The following CS variants were observed in gnomAD, a reference collection of about 807,000 sequenced individuals.
The protein encoded by CS is citrate synthase, also known as citrate synthase, mitochondrial.
A neutral mutation model predicts 61.4 loss-of-function variants in CS; 13 were observed. That is an observed-to-expected ratio of 0.21 (90% confidence interval 0.14 to 0.34). The LOEUF is 0.34. Ranked by LOEUF, CS falls within the 10% of genes least tolerant of loss-of-function variation. The probability of loss-of-function intolerance (pLI) is 1.00; values close to 1 mark genes in which losing one functional copy is unlikely to be tolerated. For missense variants in CS, 278 were observed against 573.4 expected, an observed-to-expected ratio of 0.48 and a Z score of 5.26; for synonymous variants, 159 against 215.2, an observed-to-expected ratio of 0.74 and a Z score of 2.29.
intron 9 of CS, chr12:56,274,502 G>C: frequency 3.4e-6 from 1 of 291,504 alleles, no homozygotes. Context: ...GTCCTGGCTG[G>C]AGTGTAGTGG....
chr12:56,276,256 C>T (rs1182556498), intron 6 of CS, 61 bp from the exon 7 acceptor site: 4 of 1,527,808 alleles, frequency 2.6e-6, no homozygotes, highest in Middle Eastern at 1.7e-4. Context: ...AAGAATTAGG[C>T]AGGGATATCG....
intron 6 of CS, among the ~76,000 whole-genome samples, chr12:56,280,425 C>CACA (rs1555162625): frequency 8.4e-6 from 1 of 118,790 alleles, no homozygotes; most frequent in African/African-American, 3.1e-5. Context: ...CCAAAAAAAA[C>CACA]AAAAAAAAAA....
Position 56,282,461 on chromosome 12 carries a change from G to A in CS, c.547C>T (p.Arg183Ter). Residue 183 changes from arginine to a stop codon, truncating the protein, a stop_gained, in exon 6 of 11, where the codon CGA becomes TGA. Transcript: ENST00000351328. LOFTEE classifies it high-confidence loss of function. ...CGGCTGATACCCTGTGCATATGCTC[G>A]GGCAAAGTTACTTTCACTGTTGAGG... is the stretch of plus-strand genomic sequence containing the variant. ...TALNSESNFA[R>*]AYAQGISRTK... 2 of 1,612,814 alleles carry A rather than the reference G, an allele frequency of 1.2e-6. No homozygotes were observed. Among genetic ancestry groups the A allele is most frequent in the Non-Finnish European group, 1.7e-6 (2 of 1,179,702 alleles).
rs779959249 is a variant in CS at position 56,273,159 on chromosome 12, T to C, written c.1326A>G (p.Leu442=). The C allele has an allele frequency of 2.5e-6, 4 of 1,613,754 alleles. No homozygotes were observed. The South Asian group carries it at 3.3e-5, about 13-fold the overall frequency. ...VLAQLIWSRA[L]GFPLERPKSM... is the part of the protein sequence containing the mutation. ...ACTTGGGCCTTTCTAGAGGGAAGCCTAAGGCTCGGCTCCAGATGAGCTGTG... is the reference window on the plus strand; with the variant it reads ...ACTTGGGCCTTTCTAGAGGGAAGCCCAAGGCTCGGCTCCAGATGAGCTGTG... Residue 442 remains leucine (L), a synonymous_variant, in exon 11 of 11, where the codon TTA becomes TTG. Coordinates refer to ENST00000351328, the MANE Select transcript of CS (RefSeq NM_004077.3).
At chr12:56,275,721 T>C (rs145463329) in intron 7 of CS, 3 of 485,864 alleles carry the variant, frequency 6.2e-6, no homozygotes, top group African/African-American at 3.9e-5. Flanking sequence ...AAGAGCGAGC[T>C]CCTGGAAAGC....
At chr12:56,273,552 C>T in intron 10 of CS, 35 bp downstream of exon 10, 7 of 1,601,194 alleles carry the variant, frequency 4.4e-6, no homozygotes, top group Non-Finnish European at 6.0e-6. Context: ...GGGTTTGGTA[C>T]AAATTAGAGG....
intron 1 of CS, 126 bp downstream of exon 1, chr12:56,300,034 C>G: frequency 1.1e-6 from 1 of 902,650 alleles, no homozygotes. Flanking sequence ...GGCGGCCAGC[C>G]AAGCGCAGGG....
intron 6 of CS, among the ~76,000 whole-genome samples, chr12:56,277,163 C>T (rs1407473709): frequency 1.3e-5 from 2 of 149,952 alleles, no homozygotes; most frequent in Non-Finnish European, 3.0e-5. Flanking sequence ...GAGATAGTGC[C>T]ACTGCACTCC....
At chr12:56,298,934 C>T (rs902488545) in intron 1 of CS, among the ~76,000 whole-genome samples, 7 of 151,692 alleles carry the variant, frequency 4.6e-5, no homozygotes, top group African/African-American at 1.2e-4. Context: ...CCCAGCTACT[C>T]GGGAAGCTGA....
intron 1 of CS, chr12:56,291,515 A>C (rs1873125770): frequency 6.1e-6 from 1 of 164,864 alleles, no homozygotes; most frequent in African/African-American, 2.4e-5. Context: ...TGAGGACTGT[A>C]ACATCAAAGG....
intron 1 of CS, among the ~76,000 whole-genome samples, chr12:56,290,324 G>C (rs1383573369): frequency 6.6e-6 from 1 of 152,116 alleles, no homozygotes; most frequent in East Asian, 1.9e-4. Context: ...CTATTCTCCT[G>C]CCTCAGCCTC....
At chr12:56,285,850 G>C in intron 3 of CS, 66 bp downstream of exon 3, 1 of 1,255,528 alleles carries the variant, frequency 8.0e-7, no homozygotes. Context: ...TCAGTGGAGA[G>C]AATGTTACTT....
chr12:56,296,587 A>C (rs1410979236), intron 1 of CS, among the ~76,000 whole-genome samples: 1 of 152,164 alleles, frequency 6.6e-6, no homozygotes, highest in Non-Finnish European at 1.5e-5. Flanking sequence ...CTGTTGCATA[A>C]AGTATTGACA....
At position 56,278,379 on chromosome 12, in the gene CS, C is replaced by T. The variant is rs111830083; in HGVS notation, c.589-2184G>A. ...CTGACCTCAGGTTATCCACCTTCCT[C>T]GGCCTCCCAAAGTGCTGAGATTACA... is the stretch of plus-strand genomic sequence containing the variant. On this transcript the variant is annotated intron_variant, in intron 6 of 10. Transcript: ENST00000351328. 1.7e-4 allele frequency among the ~76,000 whole-genome samples: 26 copies of T among 152,192 alleles called. 1 individual carries two copies. Among genetic ancestry groups the T allele is most frequent in the African/African-American group, 4.1e-4 (17 of 41,528 alleles).
chr12:56,272,963 A>T lies in CS; in HGVS notation c.*121T>A. The T allele has an allele frequency of 1.6e-6, 1 of 635,344 alleles. No homozygotes were observed. Among genetic ancestry groups the T allele is most frequent in the South Asian group, 2.0e-5 (1 of 49,852 alleles). 39.4% of individuals were successfully genotyped at this position (635,344 alleles called of 1,614,324 possible). A position where few individuals can be genotyped will look rare whatever the true frequency, so the allele number is the denominator to read the frequency against. On this transcript the variant is annotated 3_prime_UTR_variant, in exon 11 of 11. Coordinates refer to ENST00000351328, the MANE Select transcript of CS (RefSeq NM_004077.3). ...CTTAATTTATATTTTAACCTCAAAC[A>T]TATTATCAGTGCCTCAGATATAATT...
At chr12:56,277,265 C>T (rs1361974020) in intron 6 of CS, among the ~76,000 whole-genome samples, 1 of 148,860 alleles carries the variant, frequency 6.7e-6, no homozygotes, top group Admixed American at 6.8e-5. Flanking sequence ...TTTCGGAGGC[C>T]GAGGCAGGCA....
rs1238901503 is a variant in CS at position 56,272,831 on chromosome 12, A to G, written c.*253T>C. On this transcript the variant is annotated 3_prime_UTR_variant, in exon 11 of 11. Coordinates refer to ENST00000351328, the MANE Select transcript of CS (RefSeq NM_004077.3). ...GGCCAAACCTACTCATACCACATGC[A>G]TTAGTCCTGGTCATCCTCCAGGACC... is the stretch of plus-strand genomic sequence containing the variant. 1.1e-5 allele frequency: 4 copies of G among 376,704 alleles called. No homozygotes were observed. Among genetic ancestry groups the G allele is most frequent in the South Asian group, 3.1e-5 (1 of 32,394 alleles). 23.3% of individuals were successfully genotyped at this position (376,704 alleles called of 1,614,324 possible). A position where few individuals can be genotyped will look rare whatever the true frequency, so the allele number is the denominator to read the frequency against.
intron 1 of CS, 143 bp downstream of exon 1, chr12:56,300,017 C>T: frequency 1.4e-6 from 1 of 736,620 alleles, no homozygotes; most frequent in Non-Finnish European, 2.1e-6. Context: ...TAGCTTCACG[C>T]AGGGCTGGCG....
chr12:56,297,158 G>C (rs1873331331), intron 1 of CS, among the ~76,000 whole-genome samples: 1 of 152,174 alleles, frequency 6.6e-6, no homozygotes, highest in African/African-American at 2.4e-5. Context: ...AGTGGCTCAA[G>C]AGACAGTTCC....
Sources: allele counts gnomAD v4.1 joint callset (sites outside exome capture counted in the v4.1 genomes callset), GRCh38; gene constraint gnomAD v4.1.1; transcripts MANE v1.5; gene names NCBI Gene and HGNC (gene_info 2026-07-23, HGNC 2026-07-21).